Variants in KIT observed in about 807,000 individuals in gnomAD.
KIT encodes mast/stem cell growth factor receptor Kit.
In KIT, 16 loss-of-function variants were observed where a neutral mutation model predicts 105.7. That is an observed-to-expected ratio of 0.15 (90% confidence interval 0.10 to 0.23). KIT has a LOEUF of 0.23. Among genes scored for constraint, KIT ranks in the 10% least tolerant of loss-of-function variants. The pLI is 1.00. For missense variants in KIT, 858 were observed against 1,213.8 expected, an observed-to-expected ratio of 0.71 and a Z score of 4.36; for synonymous variants, 438 against 441.1, an observed-to-expected ratio of 0.99 and a Z score of 0.09.
intron 1 of KIT, among the ~76,000 whole-genome samples, chr4:54,658,831 C>T (rs1717015673): frequency 6.6e-6 from 1 of 152,206 alleles, no homozygotes; most frequent in African/African-American, 2.4e-5. Context: ...CGCTAGGTTG[C>T]AGACTTTTTG....
intron 1 of KIT, among the ~76,000 whole-genome samples, chr4:54,668,179 T>C (rs781305071): frequency 4.6e-5 from 7 of 152,212 alleles, no homozygotes; most frequent in Non-Finnish European, 8.8e-5. Flanking sequence ...TAGAAACCTA[T>C]TAGGGGCACA....
Position 54,658,013 on chromosome 4 carries a change from C to T in KIT, c.-2C>T, listed in dbSNP as rs750060266. The T allele has an allele frequency of 3.7e-6, 6 of 1,613,612 alleles. No homozygotes were observed. Among genetic ancestry groups the T allele is most frequent in the Admixed American group, 1.7e-5 (1 of 60,022 alleles). On this transcript the variant is annotated 5_prime_UTR_variant, in exon 1 of 21. Coordinates refer to ENST00000288135, the MANE Select transcript of KIT (RefSeq NM_000222.3). ...AGCTCGGATCCCATCGCAGCTACCG[C>T]GATGAGAGGCGCTCGCGGCGCCTGG... is the stretch of plus-strand genomic sequence containing the variant.
chr4:54,657,971 G>A lies in KIT; in HGVS notation c.-44G>A, dbSNP rs547049010. ...CCGCGCTCGCTGCACTTGGGCGAGAGCTGGAACGTGGACCAGAGCTCGGAT... is the reference window on the plus strand; with the variant it reads ...CCGCGCTCGCTGCACTTGGGCGAGAACTGGAACGTGGACCAGAGCTCGGAT... On this transcript the variant is annotated 5_prime_UTR_variant, in exon 1 of 21. Coordinates refer to ENST00000288135, the MANE Select transcript of KIT (RefSeq NM_000222.3). 5 of 1,601,864 alleles carry A rather than the reference G, an allele frequency of 3.1e-6. No individual in the cohort carries two copies. The African/African-American group carries it at 5.3e-5, about 17-fold the overall frequency.
At chr4:54,725,652 C>G (rs1481390970) in intron 8 of KIT, among the ~76,000 whole-genome samples, 4 of 152,148 alleles carry the variant, frequency 2.6e-5, no homozygotes, top group African/African-American at 7.2e-5. Context: ...GCATCTGACT[C>G]CGAAGCCTCC....
At chr4:54,677,516 C>T (rs988525559) in intron 1 of KIT, among the ~76,000 whole-genome samples, 14 of 152,142 alleles carry the variant, frequency 9.2e-5, no homozygotes, top group Admixed American at 3.3e-4. Context: ...AAGGTGGCCC[C>T]GGAAGGTTTT....
intron 15 of KIT, 105 bp from the exon 16 acceptor site, chr4:54,731,766 C>T (rs1179167119): frequency 8.4e-7 from 1 of 1,183,638 alleles, no homozygotes; most frequent in Non-Finnish European, 1.3e-6. Context: ...TGCAAGTTCA[C>T]ATTAGTTCAT....
At chr4:54,684,721 C>T (rs1314294494) in intron 1 of KIT, among the ~76,000 whole-genome samples, 1 of 152,226 alleles carries the variant, frequency 6.6e-6, no homozygotes, top group East Asian at 1.9e-4. Flanking sequence ...TCCCTTCTTC[C>T]ATGTCCCACT....
At chr4:54,685,822 C>T (rs1270171070) in intron 1 of KIT, among the ~76,000 whole-genome samples, 3 of 152,230 alleles carry the variant, frequency 2.0e-5, no homozygotes, top group African/African-American at 2.4e-5. Flanking sequence ...TTCTACCCCT[C>T]AGCCTGGCTG....
At chr4:54,729,507 A>G in intron 14 of KIT, 22 bp downstream of exon 14, 1 of 1,611,356 alleles carries the variant, frequency 6.2e-7, no homozygotes, top group Non-Finnish European at 8.5e-7. Flanking sequence ...TTACATAAAT[A>G]GTTAGCTGTT....
intron 1 of KIT, among the ~76,000 whole-genome samples, chr4:54,694,242 T>TCTC (rs1187368765): frequency 1.3e-5 from 2 of 151,822 alleles, no homozygotes; most frequent in Non-Finnish European, 1.5e-5. Flanking sequence ...GCTGTCATCT[T>TCTC]CTCCTCCTCC....
chr4:54,709,584 G>T, intron 7 of KIT, 45 bp downstream of exon 7: 1 of 1,205,900 alleles, frequency 8.3e-7, no homozygotes. Flanking sequence ...TTCTTTTAAA[G>T]TTGTGGCTCG....
At chr4:54,695,863 G>C in intron 2 of KIT, 82 bp downstream of exon 2, 1 of 1,512,560 alleles carries the variant, frequency 6.6e-7, no homozygotes, top group Non-Finnish European at 9.1e-7. Flanking sequence ...ATGGATGACT[G>C]AGCCATAGAT....
chr4:54,660,589 G>T (rs1186302906), intron 1 of KIT, among the ~76,000 whole-genome samples: 2 of 152,146 alleles, frequency 1.3e-5, no homozygotes, highest in African/African-American at 4.8e-5. Flanking sequence ...GACATGTGTG[G>T]TGTACATAGT....
intron 16 of KIT, 91 bp from the exon 17 acceptor site, chr4:54,732,979 T>C: frequency 9.3e-7 from 1 of 1,072,548 alleles, no homozygotes; most frequent in South Asian, 1.4e-5. Context: ...TTTTATAATA[T>C]AAGCAACACT....
chr4:54,737,941 C>A (rs905325568), intron 20 of KIT, among the ~76,000 whole-genome samples: 1 of 152,134 alleles, frequency 6.6e-6, no homozygotes, highest in African/African-American at 2.4e-5. Flanking sequence ...TCTTTTCTTT[C>A]CTAATAGCAC....
chr4:54,712,852 G>C (rs932999462), intron 7 of KIT, among the ~76,000 whole-genome samples: 1 of 152,132 alleles, frequency 6.6e-6, no homozygotes, highest in African/African-American at 2.4e-5. Context: ...TGTTGGTCCT[G>C]ACCTCAAGCT....
At chr4:54,708,147 G>A (rs1720908932) in intron 6 of KIT, among the ~76,000 whole-genome samples, 1 of 152,170 alleles carries the variant, frequency 6.6e-6, no homozygotes, top group Admixed American at 6.5e-5. Context: ...AGGTTGGGTG[G>A]TGAGAGACCA....
At chr4:54,674,298 T>A (rs552514026) in intron 1 of KIT, among the ~76,000 whole-genome samples, 3 of 152,304 alleles carry the variant, frequency 2.0e-5, no homozygotes, top group African/African-American at 7.2e-5. Flanking sequence ...CAGAACATTC[T>A]GGCACATTGG....
At chr4:54,658,187 T>A in intron 1 of KIT, 106 bp downstream of exon 1, 1 of 1,130,634 alleles carries the variant, frequency 8.8e-7, no homozygotes, top group Non-Finnish European at 1.3e-6. Context: ...CTGCGGGCCC[T>A]CAGTGCCCGT....
Sources: gnomAD v4.1 joint callset for allele counts (sites outside exome capture counted in the v4.1 genomes callset) on GRCh38, gnomAD v4.1.1 for gene constraint, MANE v1.5 for transcripts, NCBI Gene and HGNC (gene_info 2026-07-23, HGNC 2026-07-21) for gene names.